The following NDUFAF2 variants were observed in gnomAD, a reference collection of about 807,000 sequenced individuals.
NDUFAF2 encodes NADH:ubiquinone oxidoreductase complex assembly factor 2.
In NDUFAF2, 13 loss-of-function variants were observed where a neutral mutation model predicts 22.8. The observed-to-expected ratio is 0.57, with a 90% CI of 0.37 to 0.91. NDUFAF2 has a LOEUF of 0.91. NDUFAF2 is among the 40% of genes least tolerant of loss of function. NDUFAF2 has a pLI of 0.01. For missense variants in NDUFAF2, 162 were observed against 195.2 expected (o/e 0.83, Z 1.01); for synonymous variants, 53 against 64.2 (o/e 0.83, Z 0.84).
chr5:61,093,658 G>T (rs1197771170), intron 2 of NDUFAF2, among the ~76,000 whole-genome samples: 3 of 152,192 alleles, frequency 2.0e-5, no homozygotes, highest in Admixed American at 6.5e-5. Flanking sequence ...TATTCAGGTT[G>T]CTAGTACTTT....
intron 1 of NDUFAF2, among the ~76,000 whole-genome samples, chr5:61,008,572 A>G (rs1183711228): frequency 6.6e-6 from 1 of 152,130 alleles, no homozygotes; most frequent in Non-Finnish European, 1.5e-5. Flanking sequence ...CATTCCCTAT[A>G]AAATGCGGAT....
chr5:61,104,121 T>C (rs1752733677), intron 3 of NDUFAF2, among the ~76,000 whole-genome samples: 1 of 152,082 alleles, frequency 6.6e-6, no homozygotes, highest in Non-Finnish European at 1.5e-5. Flanking sequence ...GATGGGTTTA[T>C]AAGGACATAA....
intron 1 of NDUFAF2, among the ~76,000 whole-genome samples, chr5:61,001,651 A>G (rs1438625649): frequency 1.3e-5 from 2 of 152,144 alleles, no homozygotes; most frequent in East Asian, 3.9e-4. Flanking sequence ...CTTGTGATGG[A>G]TAACTTAATA....
chr5:61,075,616 CA>C (rs1212283990), intron 2 of NDUFAF2, among the ~76,000 whole-genome samples: 1 of 152,046 alleles, frequency 6.6e-6, no homozygotes. Context: ...TTGAGACTTT[CA>C]GAGAGTTTGA....
intron 1 of NDUFAF2, among the ~76,000 whole-genome samples, chr5:61,068,948 A>G (rs1752262233): frequency 6.6e-6 from 1 of 152,120 alleles, no homozygotes; most frequent in Non-Finnish European, 1.5e-5. Flanking sequence ...GCTAGCAAGT[A>G]AATGTCTTAA....
intron 1 of NDUFAF2, among the ~76,000 whole-genome samples, chr5:61,022,446 T>C (rs1021071547): frequency 6.6e-6 from 1 of 152,210 alleles, no homozygotes; most frequent in East Asian, 1.9e-4. Flanking sequence ...TTTAATAGGG[T>C]ATAGAATTCT....
At position 61,059,331 on chromosome 5, in the gene NDUFAF2, A is replaced by G. The variant is rs186365798; in HGVS notation, c.128-13794A>G. ...CAATAAGAGTTTATTGTCCTTGTGC[A>G]AAGCACAAACACAAATTTACAATAG... is the stretch of plus-strand genomic sequence containing the variant. On this transcript the variant is annotated intron_variant, in intron 1 of 3. Coordinates refer to ENST00000296597, the MANE Select transcript of NDUFAF2 (RefSeq NM_174889.5). Among the ~76,000 whole-genome samples the G allele has an allele frequency of 8.5e-4, 129 of 152,252 alleles. 3 individuals are homozygous for G. The East Asian group carries it at 0.02, about 24-fold the overall frequency.
Position 61,145,426 on chromosome 5 carries a change from G to GA in NDUFAF2, c.259-7273dup, listed in dbSNP as rs1210843463. 3.9e-5 allele frequency among the ~76,000 whole-genome samples: 6 copies of GA among 152,116 alleles called. No homozygotes were observed. The East Asian group carries it at 7.7e-4, about 20-fold the overall frequency. ...GATAATTTATATTAAATTTTGACCA[G>GA]AAAAATATATAAATTCAAACATTAA... On this transcript the variant is annotated intron_variant, in intron 3 of 3. Coordinates refer to ENST00000296597, the MANE Select transcript of NDUFAF2 (RefSeq NM_174889.5).
intron 1 of NDUFAF2, among the ~76,000 whole-genome samples, chr5:60,969,752 G>C (rs1750803797): frequency 6.6e-6 from 1 of 151,928 alleles, no homozygotes; most frequent in Admixed American, 6.6e-5. Context: ...ATCCATTTTT[G>C]CTTTGGTTGC....
chr5:61,040,059 G>A (rs1195579559), intron 1 of NDUFAF2, among the ~76,000 whole-genome samples: 1 of 151,804 alleles, frequency 6.6e-6, no homozygotes, highest in East Asian at 1.9e-4. Context: ...GTATTTTTTT[G>A]TTCTTTTTCC....
At chr5:61,036,930 G>A (rs1751807078) in intron 1 of NDUFAF2, among the ~76,000 whole-genome samples, 1 of 152,158 alleles carries the variant, frequency 6.6e-6, no homozygotes, top group Non-Finnish European at 1.5e-5. Flanking sequence ...TTACCTTTCT[G>A]GGGCAGGGGT....
chr5:60,963,053 T>G (rs1265635142), intron 1 of NDUFAF2, among the ~76,000 whole-genome samples: 3 of 151,610 alleles, frequency 2.0e-5, no homozygotes, highest in Admixed American at 1.3e-4. Context: ...GCCTGGCTAA[T>G]TTTTGTATTT....
intron 1 of NDUFAF2, among the ~76,000 whole-genome samples, chr5:60,960,188 AAG>A (rs1750666151): frequency 6.6e-6 from 1 of 152,134 alleles, no homozygotes; most frequent in South Asian, 2.1e-4. Flanking sequence ...GTAAGAGAAA[AAG>A]AGTTATTTGT....
chr5:60,980,724 G>C (rs1750965417), intron 1 of NDUFAF2, among the ~76,000 whole-genome samples: 1 of 152,128 alleles, frequency 6.6e-6, no homozygotes, highest in South Asian at 2.1e-4. Context: ...AGTGAGCTGA[G>C]ATTGCACCAC....
At chr5:61,070,021 TAAATA>T (rs1299209845) in intron 1 of NDUFAF2, among the ~76,000 whole-genome samples, 1 of 152,162 alleles carries the variant, frequency 6.6e-6, no homozygotes, top group African/African-American at 2.4e-5. Flanking sequence ...TGTTTAGTAT[TAAATA>T]AAACAACTGT....
chr5:61,153,012 A>G lies in NDUFAF2; in HGVS notation c.*57A>G. 6.4e-7 allele frequency: 1 copy of G among 1,571,550 alleles called. No individual in the cohort carries two copies. Among genetic ancestry groups the G allele is most frequent in the Admixed American group, 1.7e-5 (1 of 58,804 alleles). ...GGATGTGACTATTTTAACAAATAAA[A>G]GAAGTGAAAAGTTATTTACCTTGTA... On this transcript the variant is annotated 3_prime_UTR_variant, in exon 4 of 4. Transcript: ENST00000296597.
At chr5:61,006,940 G>A (rs1751374757) in intron 1 of NDUFAF2, among the ~76,000 whole-genome samples, 1 of 152,030 alleles carries the variant, frequency 6.6e-6, no homozygotes, top group Non-Finnish European at 1.5e-5. Context: ...GAAAGAAGCT[G>A]TCAATATTTA....
At chr5:61,022,664 A>G (rs1227219662) in intron 1 of NDUFAF2, among the ~76,000 whole-genome samples, 1 of 152,110 alleles carries the variant, frequency 6.6e-6, no homozygotes, top group Non-Finnish European at 1.5e-5. Flanking sequence ...GTTCGTTTTG[A>G]GACGGAGTCT....
chr5:61,034,765 A>G (rs1751774509), intron 1 of NDUFAF2, among the ~76,000 whole-genome samples: 1 of 152,214 alleles, frequency 6.6e-6, no homozygotes, highest in Non-Finnish European at 1.5e-5. Context: ...AGTTGCTCAA[A>G]TTAGTAAAAT....
Sources: gnomAD v4.1 joint callset for allele counts (sites outside exome capture counted in the v4.1 genomes callset) on GRCh38, gnomAD v4.1.1 for gene constraint, MANE v1.5 for transcripts, NCBI Gene and HGNC (gene_info 2026-07-23, HGNC 2026-07-21) for gene names.